Variants in YEATS4 observed in about 807,000 individuals in gnomAD.
YEATS4 encodes the protein YEATS domain containing 4.
A neutral mutation model predicts 30.1 loss-of-function variants in YEATS4; 17 were observed. That is an observed-to-expected ratio of 0.56 (90% CI 0.39 to 0.85). The LOEUF is 0.85. YEATS4 is among the 40% of genes least tolerant of loss of function. YEATS4 has a pLI of 0.00. For synonymous variants in YEATS4, 85 were observed against 87.5 expected (o/e 0.97, Z 0.16); for missense variants, 142 against 268.3 (o/e 0.53, Z 3.29).
At chr12:69,406,189 A>C in the YEATS4 span, among the ~76,000 whole-genome samples, 5 of 152,344 alleles carry the variant, frequency 3.3e-5, no homozygotes, top group African/African-American at 1.2e-4. Flanking sequence ...AATTTTTAAT[A>C]ATATTGTCAA....
the YEATS4 span, among the ~76,000 whole-genome samples, chr12:69,421,040 G>T: frequency 6.6e-6 from 1 of 151,936 alleles, no homozygotes; most frequent in African/African-American, 2.4e-5. Flanking sequence ...TTTTGTTTTG[G>T]GGGGATGGGG....
intron 6 of YEATS4, among the ~76,000 whole-genome samples, chr12:69,382,838 T>C (rs1307804541): frequency 6.6e-6 from 1 of 152,212 alleles, no homozygotes; most frequent in Non-Finnish European, 1.5e-5. Context: ...ATGTTTTGAA[T>C]AATGAGGTAT....
intron 6 of YEATS4, among the ~76,000 whole-genome samples, chr12:69,388,237 T>A (rs1045690552): frequency 7.9e-5 from 12 of 152,156 alleles, no homozygotes; most frequent in Non-Finnish European, 1.5e-4. Flanking sequence ...ATTTTTTGTA[T>A]TTTTAGTAGA....
the YEATS4 span, among the ~76,000 whole-genome samples, chr12:69,411,576 T>C: frequency 2.0e-5 from 3 of 152,108 alleles, no homozygotes; most frequent in African/African-American, 7.2e-5. Flanking sequence ...AGTTAGAAGG[T>C]GTTTCATGAT....
the YEATS4 span, among the ~76,000 whole-genome samples, chr12:69,417,154 ATTTT>A: frequency 1.5e-5 from 1 of 68,134 alleles, no homozygotes; most frequent in Admixed American, 1.6e-4. Flanking sequence ...TTTTTTAAAA[ATTTT>A]TTTTTTTTTT....
chr12:69,375,192 G>A (rs896695735), intron 6 of YEATS4, among the ~76,000 whole-genome samples: 1 of 149,332 alleles, frequency 6.7e-6, no homozygotes, highest in African/African-American at 2.5e-5. Context: ...CAGACGGGGC[G>A]GCCGGTCAGA....
At chr12:69,421,448 G>GTATT in the YEATS4 span, among the ~76,000 whole-genome samples, 1 of 152,076 alleles carries the variant, frequency 6.6e-6, no homozygotes, top group South Asian at 2.1e-4. Context: ...ATTTTCTACT[G>GTATT]CAAATTCGTA....
In YEATS4 at chr12:69,371,831, G is replaced by A. The variant is rs111834109; in HGVS notation, c.514+856G>A. On this transcript the variant is annotated intron_variant, in intron 6 of 6. Transcript: ENST00000247843. The stretch of plus-strand genomic sequence containing the variant: ...AGTGGGGCAGGGAGCATCTTTGGTG[G>A]GACGAGATGGTTGGAGTTTTAGATA... 6.4e-3 allele frequency among the ~76,000 whole-genome samples: 974 copies of A among 152,302 alleles called. 8 individuals carry two copies. The highest frequency in any genetic ancestry group is 0.022 in the African/African-American group (927 of 41,572).
chr12:69,402,954 C>A, the YEATS4 span, among the ~76,000 whole-genome samples: 4 of 152,020 alleles, frequency 2.6e-5, no homozygotes, highest in South Asian at 8.3e-4. Context: ...AACTCCTGAC[C>A]TCAAGTGATC....
Position 69,378,242 on chromosome 12 carries a change from A to G in YEATS4, c.514+7267A>G, listed in dbSNP as rs373821197. 4.5e-4 allele frequency among the ~76,000 whole-genome samples: 69 copies of G among 151,840 alleles called. 1 individual carries two copies. In the South Asian group the frequency reaches 0.013, roughly 28 times the overall value. ...TTTTCCATCCCTTTATTTTCAGTCT[A>G]CGTGTGTCTTTATAGGTGAAGTGTG... On this transcript the variant is annotated intron_variant, in intron 6 of 6. Transcript: ENST00000247843.
At chr12:69,418,864 G>A in the YEATS4 span, among the ~76,000 whole-genome samples, 8 of 151,862 alleles carry the variant, frequency 5.3e-5, no homozygotes, top group Admixed American at 1.3e-4. Flanking sequence ...CAGGAGGATC[G>A]CTGGAGCCCA....
chr12:69,387,870 T>C (rs944528864), intron 6 of YEATS4, among the ~76,000 whole-genome samples: 28 of 152,228 alleles, frequency 1.8e-4, no homozygotes, highest in Non-Finnish European at 1.5e-4. Flanking sequence ...TTTCACTGTC[T>C]ACTCTTTAAT....
intron 6 of YEATS4, among the ~76,000 whole-genome samples, chr12:69,378,435 G>A (rs1413400787): frequency 6.6e-6 from 1 of 151,888 alleles, no homozygotes; most frequent in Non-Finnish European, 1.5e-5. Context: ...ATTGTTTGAT[G>A]GTCTTCTCTT....
intron 4 of YEATS4, among the ~76,000 whole-genome samples, chr12:69,366,849 T>G (rs1037151981): frequency 1.3e-5 from 2 of 152,270 alleles, no homozygotes; most frequent in Admixed American, 1.3e-4. Context: ...CCTAACTGGC[T>G]GCATCAGAAA....
intron 6 of YEATS4, among the ~76,000 whole-genome samples, chr12:69,374,664 C>T (rs1875772791): frequency 1.1e-5 from 1 of 89,780 alleles, no homozygotes; most frequent in African/African-American, 3.9e-5. Flanking sequence ...CCATTTAACC[C>T]TTACACATGT....
chr12:69,419,614 C>T, the YEATS4 span, among the ~76,000 whole-genome samples: 6 of 152,002 alleles, frequency 3.9e-5, no homozygotes, highest in Non-Finnish European at 8.8e-5. Flanking sequence ...TGCCAGGCCC[C>T]GGCTTAGTAC....
chr12:69,419,014 C>CATATATATAT, the YEATS4 span, among the ~76,000 whole-genome samples: 9 of 143,360 alleles, frequency 6.3e-5, no homozygotes, highest in East Asian at 2.0e-4. Flanking sequence ...TAATTTAAGC[C>CATATATATAT]ATATATATAT....
At chr12:69,402,388 GT>G in the YEATS4 span, among the ~76,000 whole-genome samples, 1 of 152,172 alleles carries the variant, frequency 6.6e-6, no homozygotes, top group Non-Finnish European at 1.5e-5. Context: ...ATTTTAGGAG[GT>G]TAGACAAATA....
Position 69,390,205 on chromosome 12 carries a change from C to A in YEATS4, c.573C>A (p.Ser191Arg). 1 of 1,601,438 alleles carries A rather than the reference C, an allele frequency of 6.2e-7. No homozygotes were observed. The highest frequency in any genetic ancestry group is 1.1e-5 in the South Asian group (1 of 87,494). The part of the protein sequence containing the change: ...EKLEAAKKKT[S>R]FEIAELKERL... The stretch of plus-strand genomic sequence containing the variant: ...TAGAAGCTGCTAAGAAAAAAACAAG[C>A]TTTGAGATTGCAGAGCTTAAGGAGA... Residue 191 changes from serine (S) to arginine (R), a missense_variant, in exon 7 of 7, where the codon AGC becomes AGA. Physicochemically the swap from Ser to Arg is moderately radical, Grantham distance 110. Coordinates refer to ENST00000247843, the MANE Select transcript of YEATS4 (RefSeq NM_006530.4).
Sources: gnomAD v4.1 joint callset for allele counts (sites outside exome capture counted in the v4.1 genomes callset) on GRCh38, gnomAD v4.1.1 for gene constraint, MANE v1.5 for transcripts, NCBI Gene and HGNC (gene_info 2026-07-23, HGNC 2026-07-21) for gene names.